CHCHD3: variants seen among roughly 807,000 people sequenced by gnomAD.
CHCHD3 encodes MICOS complex subunit MIC19.
CHCHD3 carries 20 observed loss-of-function variants against 38.2 expected under a neutral mutation model. That is an observed-to-expected ratio of 0.52 (90% CI 0.37 to 0.76). The LOEUF (loss-of-function observed/expected upper bound fraction) is 0.76. Ranked by LOEUF, CHCHD3 falls within the 30% of genes least tolerant of loss-of-function variation. The pLI is 0.00. For synonymous variants in CHCHD3, 82 were observed against 100.0 expected, an observed-to-expected ratio of 0.82 and a Z score of 1.07; for missense variants, 245 against 279.2, an observed-to-expected ratio of 0.88 and a Z score of 0.87.
chr7:132,922,915 C>A (rs1221732434), intron 4 of CHCHD3, among the ~76,000 whole-genome samples: 1 of 152,164 alleles, frequency 6.6e-6, no homozygotes, highest in African/African-American at 2.4e-5. Flanking sequence ...ATTCATCAAA[C>A]CTATCCATCC....
At chr7:133,055,583 T>C (rs1814303535) in intron 2 of CHCHD3, among the ~76,000 whole-genome samples, 2 of 147,430 alleles carry the variant, frequency 1.4e-5, no homozygotes, top group South Asian at 2.1e-4. Flanking sequence ...AATTCTAATA[T>C]AATTGTGTTA....
At chr7:133,010,660 C>T (rs185290236) in intron 3 of CHCHD3, among the ~76,000 whole-genome samples, 1 of 152,204 alleles carries the variant, frequency 6.6e-6, no homozygotes, top group African/African-American at 2.4e-5. Context: ...CTTACTACAA[C>T]CTCTGGCTCC....
chr7:132,801,368 C>G (rs1806788783), intron 6 of CHCHD3, among the ~76,000 whole-genome samples: 1 of 152,162 alleles, frequency 6.6e-6, no homozygotes, highest in South Asian at 2.1e-4. Flanking sequence ...TTATTAATGA[C>G]ATTTCCATTT....
intron 3 of CHCHD3, among the ~76,000 whole-genome samples, chr7:133,019,413 A>G (rs1276481224): frequency 6.6e-6 from 1 of 152,176 alleles, no homozygotes; most frequent in African/African-American, 2.4e-5. Context: ...GAGAAACTAA[A>G]AGGTACAAAT....
At chr7:132,875,554 G>T (rs1808874579) in intron 5 of CHCHD3, among the ~76,000 whole-genome samples, 1 of 152,138 alleles carries the variant, frequency 6.6e-6, no homozygotes, top group Admixed American at 6.6e-5. Context: ...AAGGGACAAA[G>T]GTAGTAAAAA....
intron 6 of CHCHD3, among the ~76,000 whole-genome samples, chr7:132,800,398 G>A (rs575685054): frequency 6.6e-6 from 1 of 152,272 alleles, no homozygotes; most frequent in East Asian, 1.9e-4. Context: ...TCGGTTATCT[G>A]TTTTAAAACT....
intron 5 of CHCHD3, among the ~76,000 whole-genome samples, chr7:132,840,601 T>C (rs1044367512): frequency 6.6e-6 from 1 of 152,204 alleles, no homozygotes; most frequent in African/African-American, 2.4e-5. Flanking sequence ...TGCTTATTTC[T>C]GCCAAAGCTG....
intron 5 of CHCHD3, among the ~76,000 whole-genome samples, chr7:132,851,987 G>A (rs1009418142): frequency 1.3e-5 from 2 of 152,188 alleles, no homozygotes; most frequent in Non-Finnish European, 2.9e-5. Flanking sequence ...CGTGCACACA[G>A]AGTCCTCTTG....
At chr7:133,024,793 T>C (rs926533192) in intron 2 of CHCHD3, among the ~76,000 whole-genome samples, 166 bp from the exon 3 acceptor site, 1 of 152,182 alleles carries the variant, frequency 6.6e-6, no homozygotes, top group Admixed American at 6.5e-5. Flanking sequence ...AAAGGCCAAT[T>C]AGTGCACTTC....
chr7:132,980,033 C>A (rs974380729), intron 3 of CHCHD3, among the ~76,000 whole-genome samples: 1 of 152,208 alleles, frequency 6.6e-6, no homozygotes, highest in Non-Finnish European at 1.5e-5. Flanking sequence ...TGGTTTTATA[C>A]CGCATGGAGC....
chr7:132,974,408 C>T (rs1184469306), intron 4 of CHCHD3, among the ~76,000 whole-genome samples: 1 of 152,138 alleles, frequency 6.6e-6, no homozygotes, highest in African/African-American at 2.4e-5. Flanking sequence ...TTCCCCAAGG[C>T]CCTGGCTCTA....
chr7:132,791,849 T>C (rs1806468074), intron 7 of CHCHD3, among the ~76,000 whole-genome samples: 1 of 152,126 alleles, frequency 6.6e-6, no homozygotes, highest in African/African-American at 2.4e-5. Flanking sequence ...TCTAGCCTCA[T>C]TTACTGGGTC....
At chr7:132,906,859 C>G (rs1220305870) in intron 4 of CHCHD3, among the ~76,000 whole-genome samples, 1 of 152,158 alleles carries the variant, frequency 6.6e-6, no homozygotes, top group East Asian at 1.9e-4. Flanking sequence ...CAAATAGCTC[C>G]TGTAACACTT....
chr7:132,981,182 C>T (rs1321768730), intron 3 of CHCHD3, among the ~76,000 whole-genome samples: 7 of 151,200 alleles, frequency 4.6e-5, no homozygotes, highest in African/African-American at 7.3e-5. Flanking sequence ...TTTGTGGAGA[C>T]GAGGTTTCAG....
chr7:132,803,925 G>A (rs1806852084), intron 6 of CHCHD3, among the ~76,000 whole-genome samples: 1 of 151,196 alleles, frequency 6.6e-6, no homozygotes, highest in African/African-American at 2.4e-5. Flanking sequence ...GGGAGTTCAA[G>A]GCTGGGAACT....
chr7:133,035,355 C>T lies in CHCHD3; in HGVS notation c.170-10728G>A, dbSNP rs576398884. ...CTGGTTAATGCAGGTGAGGAACCAG[C>T]GGTTGGTATTGCGAAAGGCCCGGCG... On this transcript the variant is annotated intron_variant, in intron 2 of 7. Coordinates refer to ENST00000262570, the MANE Select transcript of CHCHD3 (RefSeq NM_017812.4). This position sits in a 1 kb window ranked among gnomAD's most constrained non-coding sequence, Gnocchi z 4.7. 4.3e-6 allele frequency: 7 copies of T among 1,611,718 alleles called. No homozygotes were observed. The South Asian group carries it at 6.6e-5, about 15-fold the overall frequency.
intron 5 of CHCHD3, among the ~76,000 whole-genome samples, chr7:132,852,781 T>C (rs1808249777): frequency 6.6e-6 from 1 of 151,998 alleles, no homozygotes; most frequent in African/African-American, 2.4e-5. Context: ...CTGAGGAGAG[T>C]AGCTGGAGAG....
chr7:132,808,400 T>C (rs917206887), intron 6 of CHCHD3, among the ~76,000 whole-genome samples: 5 of 152,228 alleles, frequency 3.3e-5, no homozygotes, highest in Non-Finnish European at 7.3e-5. Flanking sequence ...CTTGTGAAAG[T>C]ATTTTCTTTC....
chr7:132,828,537 C>T (rs558780394), intron 6 of CHCHD3, among the ~76,000 whole-genome samples: 13 of 152,128 alleles, frequency 8.5e-5, no homozygotes, highest in Admixed American at 5.2e-4. Context: ...TCAGAAGAGC[C>T]AGAAATAAGA....
Sources: allele counts gnomAD v4.1 joint callset (sites outside exome capture counted in the v4.1 genomes callset), GRCh38; gene constraint gnomAD v4.1.1; non-coding constraint Gnocchi (gnomAD v3.1); transcripts MANE v1.5; gene names NCBI Gene and HGNC (gene_info 2026-07-23, HGNC 2026-07-21).